LDB2: variants seen among roughly 807,000 people sequenced by gnomAD.
LDB2 encodes LIM domain binding 2, also known as LIM domain-binding protein 2.
In LDB2, 12 loss-of-function variants were observed where a neutral mutation model predicts 44.3. The ratio of observed to expected loss-of-function variants is 0.27; its 90% CI spans 0.17 to 0.44. The LOEUF is 0.44. Ranked by LOEUF, LDB2 falls within the 20% of genes least tolerant of loss-of-function variation. The pLI, the probability that LDB2 is intolerant of heterozygous loss-of-function variation, is 1.00. For missense variants in LDB2, 344 were observed against 473.5 expected, an observed-to-expected ratio of 0.73 and a Z score of 2.54; for synonymous variants, 164 against 174.8, an observed-to-expected ratio of 0.94 and a Z score of 0.49.
rs188967814 is a variant in LDB2 at position 16,784,180 on chromosome 4, A to C, written c.133-24920T>G. On this transcript the variant is annotated intron_variant, in intron 1 of 7. Transcript: ENST00000304523. ...ACCCTGGGGCACATAGGCAAAAGTG[A>C]TCCACATAGGAAACAAATTCTCCTC... Among the ~76,000 whole-genome samples the C allele has an allele frequency of 1.4e-4, 21 of 152,202 alleles. No homozygotes were observed. In the East Asian group the frequency reaches 3.5e-3, roughly 25 times the overall value.
At chr4:16,512,871 A>G (rs1722315093) in intron 5 of LDB2, among the ~76,000 whole-genome samples, 1 of 152,218 alleles carries the variant, frequency 6.6e-6, no homozygotes, top group South Asian at 2.1e-4. Context: ...AAACAAGAAG[A>G]TAAAACCATT....
intron 2 of LDB2, among the ~76,000 whole-genome samples, chr4:16,683,877 G>T (rs1236942627): frequency 6.6e-6 from 1 of 152,206 alleles, no homozygotes; most frequent in Non-Finnish European, 1.5e-5. Flanking sequence ...ATCACCTGCA[G>T]AGCCTCTAAT....
At position 16,634,349 on chromosome 4, in the gene LDB2, T is replaced by C. The variant is rs139394048; in HGVS notation, c.236-38474A>G. Among the ~76,000 whole-genome samples the C allele has an allele frequency of 2.3e-3, 328 of 142,032 alleles. 1 individual carries two copies. The highest frequency in any genetic ancestry group is 6.3e-3 in the African/African-American group (247 of 39,156). The allele number at this position is 142,032 out of a possible 152,430, so 93.2% of individuals were successfully genotyped here. A position where few individuals can be genotyped will look rare whatever the true frequency, so the allele number is the denominator to read the frequency against. On this transcript the variant is annotated intron_variant, in intron 2 of 7. Coordinates refer to ENST00000304523, the MANE Select transcript of LDB2 (RefSeq NM_001290.5). ...CAGAGTGAACAGGCAACCTGCAGAA[T>C]GGGAGAAACTTTTTGCATTGGAGAA...
intron 2 of LDB2, among the ~76,000 whole-genome samples, chr4:16,720,123 C>T (rs775668081): frequency 4.6e-5 from 7 of 151,958 alleles, no homozygotes; most frequent in Admixed American, 2.0e-4. Flanking sequence ...ATTTTATGTG[C>T]GAATTGGCTA....
chr4:16,664,585 G>A (rs1192531065), intron 2 of LDB2, among the ~76,000 whole-genome samples: 1 of 152,136 alleles, frequency 6.6e-6, no homozygotes, highest in Non-Finnish European at 1.5e-5. Flanking sequence ...TCATGAGTCT[G>A]CTTGTTTTTA....
intron 5 of LDB2, among the ~76,000 whole-genome samples, chr4:16,550,857 T>G (rs1737407816): frequency 6.6e-6 from 1 of 152,228 alleles, no homozygotes; most frequent in African/African-American, 2.4e-5. Context: ...ACTACCTGTA[T>G]GTCCACCAGT....
chr4:16,766,229 T>G (rs1287853225), intron 1 of LDB2, among the ~76,000 whole-genome samples: 1 of 152,058 alleles, frequency 6.6e-6, no homozygotes, highest in Non-Finnish European at 1.5e-5. Flanking sequence ...CCATCTTTTA[T>G]ATTAATATAC....
chr4:16,621,887 C>T (rs1288695864), intron 2 of LDB2, among the ~76,000 whole-genome samples: 2 of 152,030 alleles, frequency 1.3e-5, no homozygotes, highest in Non-Finnish European at 2.9e-5. Context: ...AAGAGGTTGT[C>T]AAAAATAATA....
intron 2 of LDB2, among the ~76,000 whole-genome samples, chr4:16,607,474 T>C (rs1724255721): frequency 6.6e-6 from 1 of 152,250 alleles, no homozygotes; most frequent in Non-Finnish European, 1.5e-5. Flanking sequence ...CTGTGCTACT[T>C]ACTCATACTG....
intron 2 of LDB2, among the ~76,000 whole-genome samples, chr4:16,751,445 T>C (rs1197304383): frequency 5.9e-5 from 9 of 152,224 alleles, no homozygotes. Context: ...TTCAAGCCAC[T>C]GTTATGGCCA....
chr4:16,543,649 A>G (rs1027115150), intron 5 of LDB2, among the ~76,000 whole-genome samples: 9 of 152,188 alleles, frequency 5.9e-5, no homozygotes, highest in African/African-American at 2.2e-4. Flanking sequence ...TAGACCTAAA[A>G]CCATAAAAAC....
At chr4:16,519,143 G>A (rs1042442799) in intron 5 of LDB2, among the ~76,000 whole-genome samples, 7 of 151,866 alleles carry the variant, frequency 4.6e-5, no homozygotes, top group African/African-American at 1.5e-4. Context: ...TATTTAACAC[G>A]GTATTAGGTA....
intron 2 of LDB2, among the ~76,000 whole-genome samples, chr4:16,689,919 T>G (rs1438041759): frequency 6.6e-6 from 1 of 152,234 alleles, no homozygotes; most frequent in East Asian, 1.9e-4. Context: ...TGTGAAAATC[T>G]ATTTGCAGAG....
intron 5 of LDB2, among the ~76,000 whole-genome samples, chr4:16,570,916 T>A (rs1012779968): frequency 1.3e-5 from 2 of 152,162 alleles, no homozygotes; most frequent in African/African-American, 4.8e-5. Flanking sequence ...ATTATCCCTG[T>A]TTTATTGGTG....
intron 5 of LDB2, among the ~76,000 whole-genome samples, chr4:16,551,353 T>C (rs1173362093): frequency 6.6e-6 from 1 of 152,218 alleles, no homozygotes; most frequent in Non-Finnish European, 1.5e-5. Context: ...GTATCTTAAC[T>C]GTGGAAACTG....
intron 5 of LDB2, among the ~76,000 whole-genome samples, chr4:16,545,194 TC>T (rs1269234046): frequency 1.3e-5 from 2 of 150,826 alleles, no homozygotes; most frequent in Admixed American, 6.6e-5. Context: ...CCTCTTTTCT[TC>T]CCTCCCTTCC....
chr4:16,722,489 A>G (rs1758486882), intron 2 of LDB2, among the ~76,000 whole-genome samples: 1 of 152,168 alleles, frequency 6.6e-6, no homozygotes, highest in Admixed American at 6.6e-5. Context: ...TATTAAGCAG[A>G]TATTTTTAAA....
At chr4:16,867,819 C>A (rs991911209) in intron 1 of LDB2, among the ~76,000 whole-genome samples, 4 of 152,158 alleles carry the variant, frequency 2.6e-5, no homozygotes, top group African/African-American at 9.7e-5. Context: ...AAATGTCGGG[C>A]ATTCATATCC....
At chr4:16,507,464 GTCC>G (rs1560302486) in intron 7 of LDB2, among the ~76,000 whole-genome samples, 2 of 152,112 alleles carry the variant, frequency 1.3e-5, no homozygotes, top group Non-Finnish European at 2.9e-5. Flanking sequence ...CTGTGCGAAG[GTCC>G]ACTCGCACAT....
Sources: gnomAD v4.1 joint callset for allele counts (sites outside exome capture counted in the v4.1 genomes callset) on GRCh38, gnomAD v4.1.1 for gene constraint, MANE v1.5 for transcripts, NCBI Gene and HGNC (gene_info 2026-07-23, HGNC 2026-07-21) for gene names.